BNC2: variants seen among roughly 807,000 people sequenced by gnomAD.
The protein encoded by BNC2 is basonuclin zinc finger protein 2.
Under a neutral mutation model 76.3 loss-of-function variants are expected in BNC2, and 20 were observed. The observed-to-expected ratio is 0.26, with a 90% CI of 0.18 to 0.38. The LOEUF is 0.38. Among genes scored for constraint, BNC2 ranks in the 10% least tolerant of loss-of-function variants. The probability of loss-of-function intolerance (pLI) is 1.00; values close to 1 mark genes in which losing one functional copy is unlikely to be tolerated. For missense variants in BNC2, 1,382 were observed against 1,399.8 expected (o/e 0.99, Z 0.20); for synonymous variants, 582 against 514.8 (o/e 1.13, Z -1.77).
rs1016193169 is a variant in BNC2 at position 16,412,594 on chromosome 9, G to T, written c.*6395C>A. The stretch of plus-strand genomic sequence containing the variant: ...GACCCTTTATTTAAGAAGTCATCTT[G>T]TTACTGTCCACTTAATAGCTGGAGA... On this transcript the variant is annotated 3_prime_UTR_variant, in exon 7 of 7. Coordinates refer to ENST00000380672, the MANE Select transcript of BNC2 (RefSeq NM_017637.6). 7 of 152,588 alleles carry T rather than the reference G, an allele frequency of 4.6e-5. No homozygotes were observed. Among genetic ancestry groups the T allele is most frequent in the African/African-American group, 1.7e-4 (7 of 41,434 alleles). The allele number at this position is 152,588 out of a possible 1,614,324, so 9.5% of individuals were successfully genotyped here.
chr9:16,558,415 T>C (rs186992185), intron 4 of BNC2, among the ~76,000 whole-genome samples: 1 of 152,292 alleles, frequency 6.6e-6, no homozygotes, highest in East Asian at 1.9e-4. Flanking sequence ...GTACTGATAA[T>C]ATTGTTTGAT....
intron 4 of BNC2, among the ~76,000 whole-genome samples, chr9:16,554,566 G>C (rs1818763777): frequency 6.6e-6 from 1 of 152,198 alleles, no homozygotes; most frequent in Non-Finnish European, 1.5e-5. Flanking sequence ...GTTTGGGAAA[G>C]ATAAGGGCTT....
rs183771680 is a variant in BNC2, at chr9:16,579,577, C to T, written c.433+3406G>A. 1.7e-3 allele frequency among the ~76,000 whole-genome samples: 265 copies of T among 152,304 alleles called. 2 individuals are homozygous for T. Among genetic ancestry groups the T allele is most frequent in the African/African-American group, 6.0e-3 (249 of 41,564 alleles). On this transcript the variant is annotated intron_variant, in intron 4 of 6. Transcript: ENST00000380672. ...GGAATACAGGCTGTCAGACACACCA[C>T]ACCCAGCTTTTAATTTTTTAGAAAC... is the stretch of plus-strand genomic sequence containing the variant.
intron 5 of BNC2, 39 bp downstream of exon 5, chr9:16,552,491 C>G (rs759645736): frequency 6.3e-7 from 1 of 1,575,968 alleles, no homozygotes; most frequent in Non-Finnish European, 8.7e-7. Context: ...CACCCACAGT[C>G]GGCCCCGGAC....
At chr9:16,656,151 A>C (rs1008933836) in intron 3 of BNC2, among the ~76,000 whole-genome samples, 3 of 152,204 alleles carry the variant, frequency 2.0e-5, no homozygotes, top group African/African-American at 7.2e-5. Flanking sequence ...ACAAAGAATT[A>C]TCCAACACAA....
chr9:16,537,646 T>A (rs1587143422), intron 5 of BNC2, among the ~76,000 whole-genome samples: 1 of 152,208 alleles, frequency 6.6e-6, no homozygotes, highest in East Asian at 1.9e-4. Context: ...ATAAACCCAA[T>A]GCAACAATTT....
chr9:16,605,539 T>G (rs1333546950), intron 3 of BNC2, among the ~76,000 whole-genome samples: 1 of 152,234 alleles, frequency 6.6e-6, no homozygotes, highest in Non-Finnish European at 1.5e-5. Flanking sequence ...CATTTTTCTT[T>G]AAGTCCCATG....
At chr9:16,818,267 G>C (rs926971796) in intron 1 of BNC2, among the ~76,000 whole-genome samples, 4 of 152,156 alleles carry the variant, frequency 2.6e-5, no homozygotes, top group Non-Finnish European at 5.9e-5. Context: ...AGCCGGGCGA[G>C]TTGGCGGGCG....
intron 5 of BNC2, among the ~76,000 whole-genome samples, chr9:16,527,404 C>T (rs564576263): frequency 7.9e-5 from 12 of 152,298 alleles, no homozygotes; most frequent in Non-Finnish European, 1.3e-4. Flanking sequence ...CCCTGTGGCA[C>T]TGTTTTGCGG....
At chr9:16,491,739 T>A (rs1304731712) in intron 5 of BNC2, among the ~76,000 whole-genome samples, 1 of 152,178 alleles carries the variant, frequency 6.6e-6, no homozygotes, top group Non-Finnish European at 1.5e-5. Context: ...GGATTACCAG[T>A]CTCTAAGGGT....
chr9:16,479,387 A>C (rs1821998474), intron 5 of BNC2, among the ~76,000 whole-genome samples: 1 of 152,218 alleles, frequency 6.6e-6, no homozygotes, highest in East Asian at 1.9e-4. Context: ...TTCAACTGCT[A>C]TCTCTCATGC....
chr9:16,503,019 T>C (rs1451886405), intron 5 of BNC2, among the ~76,000 whole-genome samples: 2 of 152,184 alleles, frequency 1.3e-5, no homozygotes, highest in Non-Finnish European at 2.9e-5. Context: ...ACATGGAAGT[T>C]AAATGAATTC....
intron 4 of BNC2, among the ~76,000 whole-genome samples, chr9:16,569,098 T>G (rs1012636291): frequency 6.7e-6 from 1 of 149,074 alleles, no homozygotes; most frequent in Non-Finnish European, 1.5e-5. Context: ...TCAACCCTTA[T>G]GTACAAAGGG....
chr9:16,625,856 A>G (rs575742006), intron 3 of BNC2: 3 of 152,380 alleles, frequency 2.0e-5, no homozygotes, highest in African/African-American at 7.2e-5. Context: ...GATCTCTAGT[A>G]TGAGGACCAA....
At chr9:16,440,376 A>C (rs752698744) in intron 5 of BNC2, among the ~76,000 whole-genome samples, 3 of 152,108 alleles carry the variant, frequency 2.0e-5, no homozygotes, top group Non-Finnish European at 2.9e-5. Context: ...AGAGTGCTAT[A>C]ATGTCCTCTT....
At chr9:16,800,121 A>G (rs1208726541) in intron 1 of BNC2, among the ~76,000 whole-genome samples, 1 of 151,738 alleles carries the variant, frequency 6.6e-6, no homozygotes, top group Non-Finnish European at 1.5e-5. Context: ...GCTACTCGGG[A>G]GGCTAAGGCA....
At chr9:16,629,482 T>C (rs1484128192) in intron 3 of BNC2, among the ~76,000 whole-genome samples, 1 of 152,154 alleles carries the variant, frequency 6.6e-6, no homozygotes, top group Non-Finnish European at 1.5e-5. Context: ...GCTGGGCTGA[T>C]CAAGGGCAAG....
rs375328430 is a variant in BNC2, at chr9:16,763,759, T to C, written c.4-25274A>G. 4.6e-5 allele frequency among the ~76,000 whole-genome samples: 7 copies of C among 152,300 alleles called. 1 individual carries two copies. The East Asian group carries it at 9.7e-4, about 21-fold the overall frequency. On this transcript the variant is annotated intron_variant, in intron 1 of 6. Coordinates refer to ENST00000380672, the MANE Select transcript of BNC2 (RefSeq NM_017637.6). ...TTCCAATGATAAAATCTAACCTTCC[T>C]ACATCCCATTCATTCTGCTAAAAAT...
At chr9:16,745,439 A>G (rs1339884978) in intron 1 of BNC2, among the ~76,000 whole-genome samples, 1 of 152,240 alleles carries the variant, frequency 6.6e-6, no homozygotes, top group Non-Finnish European at 1.5e-5. Flanking sequence ...TAAAGAATTA[A>G]AGATATGGTA....
Sources: allele counts gnomAD v4.1 joint callset (sites outside exome capture counted in the v4.1 genomes callset), GRCh38; gene constraint gnomAD v4.1.1; transcripts MANE v1.5; gene names NCBI Gene and HGNC (gene_info 2026-07-23, HGNC 2026-07-21).